KNDC1: variants seen among roughly 807,000 people sequenced by gnomAD.
KNDC1 encodes kinase non-catalytic C-lobe domain containing 1.
In KNDC1, 106 loss-of-function variants were observed where a neutral mutation model predicts 172.8. The ratio of observed to expected loss-of-function variants is 0.61; its 90% CI spans 0.52 to 0.72. The LOEUF is 0.72. KNDC1 is among the 30% of genes least tolerant of loss of function. The pLI is 0.00. For synonymous variants in KNDC1, 1,083 were observed against 1,062.2 expected, an observed-to-expected ratio of 1.02 and a Z score of -0.38; for missense variants, 2,325 against 2,394.5, an observed-to-expected ratio of 0.97 and a Z score of 0.61.
chr10:133,171,639 C>T (rs1225298121), intron 3 of KNDC1, among the ~76,000 whole-genome samples: 2 of 152,012 alleles, frequency 1.3e-5, no homozygotes, highest in Non-Finnish European at 2.9e-5. Context: ...AAATGCAATG[C>T]ACTTTTTTTT....
chr10:133,213,584 C>A, intron 24 of KNDC1, 61 bp from the exon 25 acceptor site: 3 of 1,473,434 alleles, frequency 2.0e-6, no homozygotes, highest in Non-Finnish European at 2.8e-6. Flanking sequence ...TGGGACCCTG[C>A]CTTGGACACA....
rs768651510 is a variant in KNDC1, at chr10:133,207,013, A to G, written c.3579+60A>G. 3.9e-6 allele frequency: 6 copies of G among 1,555,472 alleles called. No individual in the cohort carries two copies. In the Admixed American group the frequency reaches 5.0e-5, roughly 13 times the overall value. On this transcript the variant is annotated intron_variant, in intron 19 of 29. Transcript: ENST00000304613. ...GGCAGTAGCTTCAGACGGGCCTCCC[A>G]CTGTTGGATGCTGTAAATCTGTCCG...
chr10:133,183,569 A>C (rs1853790652), intron 4 of KNDC1, 79 bp downstream of exon 4: 1 of 1,431,238 alleles, frequency 7.0e-7, no homozygotes, highest in Admixed American at 2.5e-5. Flanking sequence ...CACCACACCC[A>C]CGCCCAGCAG....
intron 3 of KNDC1, among the ~76,000 whole-genome samples, chr10:133,174,792 C>T (rs11101609): frequency 0.023 from 3,331 of 142,172 alleles, 45 homozygotes; most frequent in Middle Eastern, 0.048. Context: ...TGTGGATGGA[C>T]GAATGGGCGG....
At chr10:133,160,993 G>A (rs1476992939) in intron 1 of KNDC1, among the ~76,000 whole-genome samples, 1 of 151,948 alleles carries the variant, frequency 6.6e-6, no homozygotes, top group African/African-American at 2.4e-5. Flanking sequence ...GGGGGGTGGG[G>A]GGAGCGCTGG....
At chr10:133,161,800 G>T (rs1205962584) in intron 1 of KNDC1, among the ~76,000 whole-genome samples, 1 of 152,190 alleles carries the variant, frequency 6.6e-6, no homozygotes, top group Non-Finnish European at 1.5e-5. Context: ...GTATCTGTTA[G>T]GAGGCGGCCC....
chr10:133,207,149 G>T lies in KNDC1; in HGVS notation c.3592G>T (p.Glu1198Ter), dbSNP rs1231448358. 6.3e-7 allele frequency: 1 copy of T among 1,593,274 alleles called. No individual in the cohort carries two copies. The highest frequency in any genetic ancestry group is 8.5e-7 in the Non-Finnish European group (1 of 1,171,150). ...VKKYLQVMYAERWGLEPCTLP... is the reference protein window; with the variant it reads ...VKKYLQVMYA ...CCCGCTCCGGCAGGTCATGTACGCG[G>T]AACGCTGGGGCCTGGAGCCCTGCAC... The change falls in exon 20 of 30, where the codon GAA becomes TAA. Residue 1198 changes from glutamate (E) to a stop codon, truncating the protein, a stop_gained. Transcript: ENST00000304613. LOFTEE classifies it high-confidence loss of function.
chr10:133,199,151 C>A lies in KNDC1; in HGVS notation c.2643C>A (p.Ala881=). 6.3e-7 allele frequency: 1 copy of A among 1,593,578 alleles called. No homozygotes were observed. The highest frequency in any genetic ancestry group is 8.5e-7 in the Non-Finnish European group (1 of 1,171,972). ...GGCTCTGTCTGCCCTGCGTGGATGC[C>A]TCGCCACTCCCAGGGAGGACGGCCT... is the stretch of plus-strand genomic sequence containing the variant. ...DRRLCLPCVD[A]SPLPGRTACP... The change falls in exon 14 of 30, where the codon GCC becomes GCA. Residue 881 remains alanine, a synonymous_variant. Transcript: ENST00000304613.
At position 133,211,695 on chromosome 10, in the gene KNDC1, G is replaced by T. The variant is rs140444146; in HGVS notation, c.4073G>T (p.Gly1358Val). 3.0e-3 allele frequency: 4,772 copies of T among 1,600,122 alleles called. 13 individuals are homozygous for T. The highest frequency in any genetic ancestry group is 3.7e-3 in the Non-Finnish European group (4,346 of 1,172,936). Residue 1358 changes from glycine to valine, a missense_variant, in exon 23 of 30, where the codon GGC (glycine) becomes GTC (valine). Coordinates refer to ENST00000304613, the MANE Select transcript of KNDC1 (RefSeq NM_152643.8). ...FISSKILPLD[G>V]SAKHLLGLLE... ...TCTGCCTAGATCCTACCCCTGGACG[G>T]CTCTGCCAAGCACCTGCTGGGCCTC...
intron 3 of KNDC1, among the ~76,000 whole-genome samples, chr10:133,180,130 A>G (rs1364069519): frequency 6.6e-6 from 1 of 152,192 alleles, no homozygotes; most frequent in Admixed American, 6.5e-5. Context: ...TGGCTCAAAT[A>G]CTGCAGCTTC....
At position 133,226,163 on chromosome 10, in the gene KNDC1, T is replaced by C. The variant is rs1158107396; in HGVS notation, c.*1273T>C. The C allele has an allele frequency of 6.6e-6, 1 of 152,236 alleles. No homozygotes were observed. The highest frequency in any genetic ancestry group is 1.5e-5 in the Non-Finnish European group (1 of 68,040). The allele number at this position is 152,236 out of a possible 1,614,324, so 9.4% of individuals were successfully genotyped here. On this transcript the variant is annotated 3_prime_UTR_variant, in exon 30 of 30. Transcript: ENST00000304613. ...ATCCGGGCCCCGCTTCGATGTAACATGAGAGGAAGTCGGCGTCCTGGCCAC... is the reference window on the plus strand; with the variant it reads ...ATCCGGGCCCCGCTTCGATGTAACACGAGAGGAAGTCGGCGTCCTGGCCAC...
chr10:133,183,726 A>T (rs1455778617), intron 4 of KNDC1, 146 bp from the exon 5 acceptor site: 2 of 787,270 alleles, frequency 2.5e-6, no homozygotes, highest in Non-Finnish European at 4.0e-6. Flanking sequence ...CTGCCTTTTC[A>T]TACTAGAAAA....
intron 3 of KNDC1, among the ~76,000 whole-genome samples, chr10:133,171,019 A>G (rs1254478052): frequency 6.6e-6 from 1 of 152,272 alleles, no homozygotes; most frequent in Non-Finnish European, 1.5e-5. Context: ...CGATTTTAAT[A>G]TAATCAAATG....
Position 133,199,297 on chromosome 10 carries a change from G to A in KNDC1, c.2758+31G>A, listed in dbSNP as rs769918772. The A allele has an allele frequency of 2.6e-6, 4 of 1,540,396 alleles. No homozygotes were observed. The South Asian group carries it at 5.0e-5, about 19-fold the overall frequency. On this transcript the variant is annotated intron_variant, in intron 14 of 29. Transcript: ENST00000304613. ...TGGGGGCCGCAGACGCCCCAGAGGAGGCCCGGGCCAGGGAGAGCCCCACAG... is the reference window on the plus strand; with the variant it reads ...TGGGGGCCGCAGACGCCCCAGAGGAAGCCCGGGCCAGGGAGAGCCCCACAG...
intron 2 of KNDC1, among the ~76,000 whole-genome samples, chr10:133,167,953 C>T (rs960197281): frequency 6.6e-5 from 10 of 152,220 alleles, no homozygotes; most frequent in African/African-American, 1.7e-4. Flanking sequence ...CCCCTGCCTC[C>T]GTGGGTCAGC....
chr10:133,165,580 T>A (rs529669035), intron 1 of KNDC1, among the ~76,000 whole-genome samples: 30 of 152,328 alleles, frequency 2.0e-4, no homozygotes, highest in African/African-American at 4.6e-4. Flanking sequence ...TTGGTGCACG[T>A]CTGTGCCCGT....
chr10:133,213,906 G>GC, intron 25 of KNDC1, 66 bp from the exon 26 acceptor site: 1 of 1,593,354 alleles, frequency 6.3e-7, no homozygotes, highest in Non-Finnish European at 8.6e-7. Context: ...TGCACCAGCA[G>GC]CCCCAGGGCC....
rs771250742 is a variant in KNDC1 at position 133,183,880 on chromosome 10, C to T, written c.516C>T (p.Ile172=). 3.1e-5 allele frequency: 49 copies of T among 1,589,714 alleles called. No individual in the cohort carries two copies. The highest frequency in any genetic ancestry group is 3.8e-5 in the Non-Finnish European group (44 of 1,162,670). ...GGTGTTCCCGTCCCCAGAGCATCAT[C>T]GCGCTGTGTGAAGAGAAGCTGCAGC... is the stretch of plus-strand genomic sequence containing the variant. ...PGDRPDLESI[I]ALCEEKLQLT... The change falls in exon 5 of 30, where the codon ATC becomes ATT. Residue 172 remains isoleucine, a synonymous_variant. Transcript: ENST00000304613.
In KNDC1 at chr10:133,212,725, T is replaced by G. The variant is rs1309274606; in HGVS notation, c.4246T>G (p.Trp1416Gly). The G allele has an allele frequency of 6.2e-7, 1 of 1,612,790 alleles. No homozygotes were observed. Among genetic ancestry groups the G allele is most frequent in the East Asian group, 2.2e-5 (1 of 44,872 alleles). Residue 1416 changes from tryptophan (W) to glycine (G), a missense_variant, in exon 24 of 30, where the codon TGG becomes GGG. By Grantham distance (184) the Trp-to-Gly change is radical. Coordinates refer to ENST00000304613, the MANE Select transcript of KNDC1 (RefSeq NM_152643.8). The part of the protein sequence containing the change: ...EDGISRKSFP[W>G]RLPRGNGLVL... ...CCGGCCTGCCCTGCAGAGCTTCCCC[T>G]GGAGGCTGCCCCGAGGCAACGGGCT...
Sources: gnomAD v4.1 joint callset for allele counts (sites outside exome capture counted in the v4.1 genomes callset) on GRCh38, gnomAD v4.1.1 for gene constraint, MANE v1.5 for transcripts, NCBI Gene and HGNC (gene_info 2026-07-23, HGNC 2026-07-21) for gene names.